The following MRE11 variants were observed in gnomAD, a reference collection of about 807,000 sequenced individuals.
MRE11 encodes the protein MRE11 double strand break repair nuclease.
A neutral mutation model predicts 91.7 loss-of-function variants in MRE11; 62 were observed. That is an observed-to-expected ratio of 0.68 (90% CI 0.55 to 0.84). MRE11 has a LOEUF of 0.84. MRE11 is among the 40% of genes least tolerant of loss of function. The probability of loss-of-function intolerance (pLI) is 0.00; values close to 1 mark genes in which losing one functional copy is unlikely to be tolerated. For synonymous variants in MRE11, 273 were observed against 271.4 expected, an observed-to-expected ratio of 1.01 and a Z score of -0.06; for missense variants, 796 against 852.9, an observed-to-expected ratio of 0.93 and a Z score of 0.83.
upstream of MRE11, among the ~76,000 whole-genome samples, chr11:94,495,118 G>A (rs1947393999): frequency 1.3e-5 from 2 of 152,146 alleles, no homozygotes; most frequent in Admixed American, 1.3e-4. Flanking sequence ...AAAAGTTACT[G>A]GACATGAGTA....
At chr11:94,482,613 A>C (rs1947039599) in intron 4 of MRE11, among the ~76,000 whole-genome samples, 1 of 152,222 alleles carries the variant, frequency 6.6e-6, no homozygotes, top group Non-Finnish European at 1.5e-5. Flanking sequence ...TTTAAAAATA[A>C]GATGAAAGAA....
intron 16 of MRE11, among the ~76,000 whole-genome samples, chr11:94,439,593 C>G (rs1392393394): frequency 6.6e-6 from 1 of 152,154 alleles, no homozygotes; most frequent in Non-Finnish European, 1.5e-5. Context: ...GAAGTCAGTA[C>G]AACATTGTCA....
rs148085738 is a variant in MRE11, at chr11:94,485,862, T to C, written c.314+62A>G. 2,036 of 1,498,546 alleles carry C rather than the reference T, an allele frequency of 1.4e-3. 17 individuals carry two copies. The African/African-American group carries it at 0.021, about 15-fold the overall frequency. 92.8% of individuals were successfully genotyped at this position (1,498,546 alleles called of 1,614,324 possible). ...AAGGCAAAACAGTTGTGTGTTTACG[T>C]GTCTTATACAGCAAATACCATACAC... On this transcript the variant is annotated intron_variant, in intron 4 of 19. Coordinates refer to ENST00000323929, the MANE Select transcript of MRE11 (RefSeq NM_005591.4).
At chr11:94,512,003 T>C in the MRE11 span, among the ~76,000 whole-genome samples, 1 of 152,280 alleles carries the variant, frequency 6.6e-6, no homozygotes, top group Admixed American at 6.5e-5. Context: ...TATTTACTTA[T>C]TCAATCACGT....
intron 4 of MRE11, 107 bp downstream of exon 4, chr11:94,485,817 T>G: frequency 2.9e-6 from 3 of 1,050,322 alleles, no homozygotes; most frequent in Non-Finnish European, 4.3e-6. Context: ...TGATATTTAC[T>G]AAGAAAATAG....
intron 16 of MRE11, among the ~76,000 whole-genome samples, chr11:94,438,210 A>G (rs12290882): frequency 2.4e-3 from 364 of 152,342 alleles, no homozygotes; most frequent in African/African-American, 7.6e-3. Flanking sequence ...CCTATGCCTT[A>G]CCAGTTTGCT....
chr11:94,424,037 A>G (rs1945242573), intron 19 of MRE11, among the ~76,000 whole-genome samples: 1 of 152,166 alleles, frequency 6.6e-6, no homozygotes, highest in Non-Finnish European at 1.5e-5. Context: ...AACAACAGTA[A>G]TGCAGGTACA....
At chr11:94,424,240 A>G (rs192248375) in intron 19 of MRE11, among the ~76,000 whole-genome samples, 1 of 152,200 alleles carries the variant, frequency 6.6e-6, no homozygotes, top group Admixed American at 6.5e-5. Flanking sequence ...CAAAATTACA[A>G]CACCAAAATA....
At chr11:94,458,759 T>C (rs1008529881) in intron 13 of MRE11, among the ~76,000 whole-genome samples, 2 of 152,210 alleles carry the variant, frequency 1.3e-5, no homozygotes, top group Non-Finnish European at 2.9e-5. Context: ...TGAGTTTCTT[T>C]GATTATCCTA....
rs35238737 is a variant in MRE11, at chr11:94,452,196, C to CAA, written c.1563+4078_1563+4079dup. On this transcript the variant is annotated intron_variant, in intron 14 of 19. Transcript: ENST00000323929. ...TGGGTGACAGAGTGAGACTTTGCCTCAAAAAAAAAAAAAAAAAAGAGAAAG... is the reference window on the plus strand; with the variant it reads ...TGGGTGACAGAGTGAGACTTTGCCTCAAAAAAAAAAAAAAAAAAAAGAGAAAG... 5.4e-3 allele frequency among the ~76,000 whole-genome samples: 514 copies of CAA among 94,462 alleles called. 3 individuals carry two copies. Among genetic ancestry groups the CAA allele is most frequent in the African/African-American group, 0.013 (319 of 24,896 alleles). The allele number at this position is 94,462 out of a possible 152,430, so 62.0% of individuals were successfully genotyped here. A position where few individuals can be genotyped will look rare whatever the true frequency, so the allele number is the denominator to read the frequency against.
chr11:94,470,393 C>A, intron 9 of MRE11, 78 bp downstream of exon 9: 1 of 1,387,470 alleles, frequency 7.2e-7, no homozygotes, highest in South Asian at 1.2e-5. Flanking sequence ...CTTCCCTCTA[C>A]TCTATTAAAT....
At chr11:94,440,764 T>A (rs1243099647) in intron 16 of MRE11, among the ~76,000 whole-genome samples, 1 of 152,240 alleles carries the variant, frequency 6.6e-6, no homozygotes, top group African/African-American at 2.4e-5. Context: ...AGTTCATTAC[T>A]TTTTCTCTCT....
intron 1 of MRE11, among the ~76,000 whole-genome samples, chr11:94,493,467 A>T (rs901991689): frequency 1.3e-5 from 2 of 152,076 alleles, no homozygotes; most frequent in Middle Eastern, 3.2e-3. Context: ...AGTGGCTGCC[A>T]CCGCGAGACA....
At chr11:94,458,951 CTTTTAA>C (rs1565219879) in intron 13 of MRE11, among the ~76,000 whole-genome samples, 2 of 152,050 alleles carry the variant, frequency 1.3e-5, no homozygotes, top group African/African-American at 2.4e-5. Context: ...ATGTCAATAT[CTTTTAA>C]TTTTGTTTTT....
In MRE11 at chr11:94,429,044, G is replaced by A. The variant is rs1199906483; in HGVS notation, c.2070+867C>T. ...AGAAAATGGGCAAAGGACATGAACA[G>A]GCACATTACAAAGAAGAAGACACAC... On this transcript the variant is annotated intron_variant, in intron 19 of 19. Transcript: ENST00000323929. Among the ~76,000 whole-genome samples the A allele has an allele frequency of 5.9e-5, 9 of 152,154 alleles. No homozygotes were observed. The East Asian group carries it at 1.5e-3, about 26-fold the overall frequency.
Position 94,420,037 on chromosome 11 carries a change from A to G in MRE11, c.*88T>C. On this transcript the variant is annotated 3_prime_UTR_variant, in exon 20 of 20. Coordinates refer to ENST00000323929, the MANE Select transcript of MRE11 (RefSeq NM_005591.4). ...CTTATGGAGTTATGCTCAGGAAACAATACTTAAAATCTTAAACTGTAAACT... is the reference window on the plus strand; with the variant it reads ...CTTATGGAGTTATGCTCAGGAAACAGTACTTAAAATCTTAAACTGTAAACT... The G allele has an allele frequency of 1.9e-6, 2 of 1,079,966 alleles. No individual in the cohort carries two copies. The highest frequency in any genetic ancestry group is 2.8e-6 in the Non-Finnish European group (2 of 723,140). 66.9% of individuals were successfully genotyped at this position (1,079,966 alleles called of 1,614,324 possible).
upstream of MRE11, chr11:94,496,796 C>T (rs1346989787): frequency 2.5e-6 from 4 of 1,613,836 alleles, no homozygotes; most frequent in Non-Finnish European, 2.5e-6. Context: ...AACACATGGA[C>T]ACCTTATTCC....
At chr11:94,437,631 G>C (rs1455039340) in intron 16 of MRE11, among the ~76,000 whole-genome samples, 3 of 152,102 alleles carry the variant, frequency 2.0e-5, no homozygotes, top group Non-Finnish European at 4.4e-5. Flanking sequence ...AGGAGCCATG[G>C]GGTTCCAGTA....
At chr11:94,499,354 T>C in the MRE11 span, 1,486 of 152,650 alleles carry the variant, frequency 9.7e-3, 14 homozygotes, top group South Asian at 0.036. Flanking sequence ...TTGTATAGTC[T>C]CTCAAGTTCA....
Sources: gnomAD v4.1 joint callset for allele counts (sites outside exome capture counted in the v4.1 genomes callset) on GRCh38, gnomAD v4.1.1 for gene constraint, MANE v1.5 for transcripts, NCBI Gene and HGNC (gene_info 2026-07-23, HGNC 2026-07-21) for gene names.